CHRM5: variants seen among roughly 807,000 people sequenced by gnomAD.
CHRM5 encodes the protein cholinergic receptor muscarinic 5.
CHRM5 carries 18 observed loss-of-function variants against 39.0 expected under a neutral mutation model. The observed-to-expected ratio is 0.46, with a 90% CI of 0.32 to 0.68. CHRM5 has a LOEUF of 0.68. Ranked by LOEUF, CHRM5 falls within the 30% of genes least tolerant of loss-of-function variation. CHRM5 has a pLI of 0.04. For missense variants in CHRM5, 515 were observed against 651.1 expected (o/e 0.79, Z 2.28); for synonymous variants, 241 against 246.3 (o/e 0.98, Z 0.20).
intron 1 of CHRM5, among the ~76,000 whole-genome samples, chr15:34,026,785 G>C (rs994113987): frequency 6.6e-6 from 1 of 152,142 alleles, no homozygotes; most frequent in Non-Finnish European, 1.5e-5. Flanking sequence ...GAAAAAGTAA[G>C]TCGCTCACAT....
intron 1 of CHRM5, among the ~76,000 whole-genome samples, chr15:33,969,524 G>A (rs930054942): frequency 2.0e-5 from 3 of 151,538 alleles, no homozygotes; most frequent in African/African-American, 7.3e-5. Flanking sequence ...CAGAGTACTT[G>A]ATAAAACAAA....
chr15:33,973,196 T>C (rs1215815058), intron 1 of CHRM5, among the ~76,000 whole-genome samples: 1 of 152,236 alleles, frequency 6.6e-6, no homozygotes, highest in African/African-American at 2.4e-5. Context: ...GCCTTCTTAT[T>C]TCCTGATTAT....
Position 34,063,995 on chromosome 15 carries a change from G to A in CHRM5, c.1278G>A (p.Met426Ile). ...TCAATCCCAACCCCAGCCATCAAAT[G>A]ACCAAACGAAAGAGAGTGGTCCTAG... ...KGLNPNPSHQ[M>I]TKRKRVVLVK... The change falls in exon 3 of 3, where the codon ATG becomes ATA. Residue 426 changes from methionine to isoleucine, a missense_variant. Transcript: ENST00000383263. This position sits in a 1 kb window ranked among gnomAD's most constrained non-coding sequence, Gnocchi z 4.1. The A allele has an allele frequency of 6.2e-7, 1 of 1,614,150 alleles. No individual in the cohort carries two copies. Among genetic ancestry groups the A allele is most frequent in the Admixed American group, 1.7e-5 (1 of 60,016 alleles).
At chr15:34,002,078 AATG>A (rs139412830) in intron 1 of CHRM5, among the ~76,000 whole-genome samples, 49 of 152,312 alleles carry the variant, frequency 3.2e-4, no homozygotes, top group African/African-American at 1.2e-3. Flanking sequence ...AGTTTACCCC[AATG>A]ATAACATTTT....
chr15:34,057,725 G>T (rs1257218437), intron 2 of CHRM5, among the ~76,000 whole-genome samples: 1 of 152,110 alleles, frequency 6.6e-6, no homozygotes, highest in Non-Finnish European at 1.5e-5. Context: ...TGAGGCCATG[G>T]GTTCCAGCTT....
chr15:34,061,305 A>C (rs1900328827), intron 2 of CHRM5, among the ~76,000 whole-genome samples: 1 of 152,200 alleles, frequency 6.6e-6, no homozygotes, highest in African/African-American at 2.4e-5. Flanking sequence ...TTGAAAGTTA[A>C]AATTTGTCAA....
intron 2 of CHRM5, among the ~76,000 whole-genome samples, chr15:34,047,371 C>T (rs1899745189): frequency 1.3e-5 from 2 of 152,178 alleles, no homozygotes; most frequent in Admixed American, 6.5e-5. Context: ...GCCACCGTGC[C>T]CGGCGGAGAC....
At chr15:34,007,957 T>C (rs1297482035) in intron 1 of CHRM5, among the ~76,000 whole-genome samples, 1 of 152,238 alleles carries the variant, frequency 6.6e-6, no homozygotes, top group Non-Finnish European at 1.5e-5. Flanking sequence ...TGAGTTATAC[T>C]GGATTAGGGC....
At chr15:33,984,046 A>G (rs8035294) in intron 1 of CHRM5, among the ~76,000 whole-genome samples, 6 of 151,818 alleles carry the variant, frequency 4.0e-5, no homozygotes, top group Admixed American at 1.3e-4. Context: ...GAAGAGACTA[A>G]GGAAATACAA....
intron 1 of CHRM5, among the ~76,000 whole-genome samples, chr15:33,986,909 G>A (rs994987638): frequency 6.6e-5 from 10 of 152,032 alleles, no homozygotes; most frequent in Admixed American, 2.0e-4. Context: ...CGCCCACCTC[G>A]GCCTCCCAAA....
intron 1 of CHRM5, among the ~76,000 whole-genome samples, chr15:33,979,327 G>C (rs1321980341): frequency 1.3e-5 from 2 of 152,142 alleles, no homozygotes; most frequent in Admixed American, 6.5e-5. Context: ...TTTGAGATCA[G>C]CCTGGGCAAT....
intron 2 of CHRM5, among the ~76,000 whole-genome samples, chr15:34,058,138 A>T (rs535741272): frequency 6.6e-6 from 1 of 152,294 alleles, no homozygotes; most frequent in Admixed American, 6.5e-5. Context: ...TAACCCCTTC[A>T]AATGATCGAA....
At chr15:33,980,942 G>C (rs1402722307) in intron 1 of CHRM5, among the ~76,000 whole-genome samples, 2 of 152,118 alleles carry the variant, frequency 1.3e-5, no homozygotes, top group African/African-American at 4.8e-5. Context: ...ACTTAAAAAA[G>C]ATTAACATAG....
At chr15:34,027,512 A>G (rs1468371476) in intron 1 of CHRM5, among the ~76,000 whole-genome samples, 1 of 146,458 alleles carries the variant, frequency 6.8e-6, no homozygotes, top group African/African-American at 2.4e-5. Context: ...CTGGATGACA[A>G]AGAGAGACTC....
At chr15:33,970,399 G>T (rs553489573) in intron 1 of CHRM5, among the ~76,000 whole-genome samples, 16 of 151,994 alleles carry the variant, frequency 1.1e-4, no homozygotes, top group African/African-American at 3.9e-4. Context: ...TTTAATACAA[G>T]TAGTGATTAT....
intron 1 of CHRM5, among the ~76,000 whole-genome samples, chr15:34,041,881 T>A (rs1051724641): frequency 6.6e-6 from 1 of 152,216 alleles, no homozygotes; most frequent in Non-Finnish European, 1.5e-5. Context: ...CCAGAATCCA[T>A]GCCTGTAAGT....
chr15:34,038,851 G>A, intron 1 of CHRM5: 1 of 1,164,420 alleles, frequency 8.6e-7, no homozygotes, highest in Non-Finnish European at 1.1e-6. Context: ...CCTCCTCCTC[G>A]GCCTCCGCGA....
intron 1 of CHRM5, among the ~76,000 whole-genome samples, chr15:34,032,482 A>T (rs1898901153): frequency 6.6e-6 from 1 of 152,218 alleles, no homozygotes; most frequent in Non-Finnish European, 1.5e-5. Context: ...TAAGAATGAC[A>T]AAACCTGGAA....
chr15:34,018,252 G>C (rs563833925), intron 1 of CHRM5: 10 of 152,340 alleles, frequency 6.6e-5, no homozygotes, highest in African/African-American at 1.9e-4. Context: ...GGAGGTGGAA[G>C]ACAGTGATAT....
Sources: gnomAD v4.1 joint callset for allele counts (sites outside exome capture counted in the v4.1 genomes callset) on GRCh38, gnomAD v4.1.1 for gene constraint, Gnocchi (gnomAD v3.1) non-coding constraint, MANE v1.5 for transcripts, NCBI Gene and HGNC (gene_info 2026-07-23, HGNC 2026-07-21) for gene names.